Variants in NALCN observed in about 807,000 individuals in gnomAD.
NALCN encodes the protein sodium leak channel NALCN.
Under a neutral mutation model 225.3 loss-of-function variants are expected in NALCN, and 111 were observed. That is an observed-to-expected ratio of 0.49 (90% CI 0.42 to 0.58). The LOEUF is 0.58. Among genes scored for constraint, NALCN ranks in the 20% least tolerant of loss-of-function variants. The pLI is 0.00. For synonymous variants in NALCN, 764 were observed against 769.0 expected, an observed-to-expected ratio of 0.99 and a Z score of 0.11; for missense variants, 1,378 against 2,202.4, an observed-to-expected ratio of 0.63 and a Z score of 7.49.
intron 10 of NALCN, among the ~76,000 whole-genome samples, chr13:101,279,355 A>G (rs559329450): frequency 2.0e-5 from 3 of 152,352 alleles, no homozygotes; most frequent in African/African-American, 4.8e-5. Context: ...GATAAAATGC[A>G]TAAATGCAGG....
chr13:101,058,454 C>A, intron 42 of NALCN: 3 of 140,696 alleles, frequency 2.1e-5, no homozygotes, highest in Non-Finnish European at 4.7e-5. Flanking sequence ...CCTGGAGATC[C>A]ACACTTAGAG....
chr13:101,257,591 C>A (rs2042281058), intron 11 of NALCN, among the ~76,000 whole-genome samples: 1 of 151,720 alleles, frequency 6.6e-6, no homozygotes, highest in South Asian at 2.1e-4. Context: ...AAAATTGTGA[C>A]TTTTTTCTGT....
chr13:101,182,215 G>C (rs968460878), intron 14 of NALCN, among the ~76,000 whole-genome samples: 9 of 150,586 alleles, frequency 6.0e-5, no homozygotes, highest in Admixed American at 6.0e-4. Flanking sequence ...CTTTTTCCTT[G>C]GGATAAACAG....
chr13:101,244,453 T>C (rs143972652), intron 11 of NALCN, among the ~76,000 whole-genome samples: 1 of 152,330 alleles, frequency 6.6e-6, no homozygotes, highest in African/African-American at 2.4e-5. Flanking sequence ...ATTTAGCAAA[T>C]TGTTATGTGA....
At chr13:101,163,622 G>A (rs929141222) in intron 15 of NALCN, among the ~76,000 whole-genome samples, 1 of 152,100 alleles carries the variant, frequency 6.6e-6, no homozygotes, top group African/African-American at 2.4e-5. Context: ...GGGTGGCGCA[G>A]GCTGGCGTAG....
Position 101,273,778 on chromosome 13 carries a change from G to A in NALCN, c.1134+10155C>T, listed in dbSNP as rs183383993. Among the ~76,000 whole-genome samples the A allele has an allele frequency of 9.1e-3, 1,378 of 151,630 alleles. 9 individuals are homozygous for A. The highest frequency in any genetic ancestry group is 0.015 in the Non-Finnish European group (1,008 of 67,896). On this transcript the variant is annotated intron_variant, in intron 10 of 43. Transcript: ENST00000251127. ...CAGGCACCTGTAGACCCAGCAACTC[G>A]GGAGGCTGGGGCAGGAGAATGGCGT...
chr13:101,191,486 T>C (rs914960415), intron 14 of NALCN, among the ~76,000 whole-genome samples: 5 of 152,216 alleles, frequency 3.3e-5, no homozygotes, highest in Non-Finnish European at 5.9e-5. Flanking sequence ...ATTAACTGAC[T>C]GCACCCTGAG....
intron 17 of NALCN, among the ~76,000 whole-genome samples, chr13:101,131,386 T>C (rs2036508208): frequency 6.6e-6 from 1 of 152,230 alleles, no homozygotes; most frequent in Non-Finnish European, 1.5e-5. Context: ...CTCATTTTTA[T>C]ACAAAATTAG....
intron 17 of NALCN, among the ~76,000 whole-genome samples, chr13:101,141,243 C>T (rs1394863953): frequency 6.6e-6 from 1 of 152,064 alleles, no homozygotes; most frequent in African/African-American, 2.4e-5. Context: ...CTAGTTGGAG[C>T]AGTTCTGATG....
chr13:101,136,294 A>T (rs1413428357), intron 17 of NALCN, among the ~76,000 whole-genome samples: 2 of 5,562 alleles, frequency 3.6e-4, no homozygotes, highest in African/African-American at 5.0e-3. Context: ...GCATCGTTTT[A>T]TTTATTTATT....
intron 13 of NALCN, among the ~76,000 whole-genome samples, chr13:101,224,836 C>T (rs1001395955): frequency 6.6e-6 from 1 of 152,154 alleles, no homozygotes; most frequent in African/African-American, 2.4e-5. Context: ...TTACAACAAG[C>T]CTCACTTTGC....
intron 3 of NALCN, among the ~76,000 whole-genome samples, chr13:101,391,015 A>G (rs931844346): frequency 1.4e-4 from 22 of 152,246 alleles, no homozygotes; most frequent in African/African-American, 5.1e-4. Context: ...CATATGTAAC[A>G]AACCTGCATG....
Position 101,408,443 on chromosome 13 carries a change from TC to T in NALCN, c.-40+7869del, listed in dbSNP as rs1566662295. Reference sequence around the variant, plus strand: ...TAAACTTAGCCTGGAGTCCTGCGTCTCCCCCAGCAACACAGCAGAGAACATG... The same window carrying T: ...TAAACTTAGCCTGGAGTCCTGCGTCTCCCCAGCAACACAGCAGAGAACATG... On this transcript the variant is annotated intron_variant, in intron 1 of 43. Transcript: ENST00000251127. Among the ~76,000 whole-genome samples the T allele has an allele frequency of 1.3e-5, 2 of 151,992 alleles. 1 individual carries two copies. Among genetic ancestry groups the T allele is most frequent in the South Asian group, 4.2e-4 (2 of 4,802 alleles).
intron 3 of NALCN, among the ~76,000 whole-genome samples, chr13:101,384,861 T>C (rs770513053): frequency 5.3e-5 from 8 of 152,274 alleles, no homozygotes; most frequent in African/African-American, 9.6e-5. Flanking sequence ...TTTGGGAATA[T>C]TATAAAAGAT....
intron 25 of NALCN, 86 bp from the exon 26 acceptor site, chr13:101,103,425 T>A (rs2034933416): frequency 6.9e-7 from 1 of 1,456,452 alleles, no homozygotes; most frequent in Non-Finnish European, 9.2e-7. Flanking sequence ...CCACAACTTT[T>A]CATTTAGCAG....
chr13:101,284,408 T>C (rs1422988204), intron 9 of NALCN, among the ~76,000 whole-genome samples: 5 of 152,240 alleles, frequency 3.3e-5, no homozygotes, highest in Admixed American at 6.5e-5. Flanking sequence ...GTGTTTTTAC[T>C]ATAGGTTGCA....
intron 3 of NALCN, among the ~76,000 whole-genome samples, chr13:101,386,738 T>C (rs1485772239): frequency 2.0e-5 from 3 of 152,140 alleles, no homozygotes; most frequent in African/African-American, 7.2e-5. Context: ...TTTTATAAAC[T>C]AGGTATCATT....
intron 1 of NALCN, among the ~76,000 whole-genome samples, chr13:101,413,922 T>C (rs2047858457): frequency 6.6e-6 from 1 of 152,140 alleles, no homozygotes; most frequent in South Asian, 2.1e-4. Flanking sequence ...CTGTGCCCAG[T>C]CGCCCATTCT....
At chr13:101,304,658 G>C (rs1220609215) in intron 7 of NALCN, among the ~76,000 whole-genome samples, 1 of 152,010 alleles carries the variant, frequency 6.6e-6, no homozygotes, top group Non-Finnish European at 1.5e-5. Context: ...GGCTGGCCTT[G>C]AAGTCCTGAG....
Sources: gnomAD v4.1 joint callset for allele counts (sites outside exome capture counted in the v4.1 genomes callset) on GRCh38, gnomAD v4.1.1 for gene constraint, MANE v1.5 for transcripts, NCBI Gene and HGNC (gene_info 2026-07-23, HGNC 2026-07-21) for gene names.